Variants in MTR observed in about 807,000 individuals in gnomAD.
MTR encodes the protein methionine synthase.
A neutral mutation model predicts 154.8 loss-of-function variants in MTR; 84 were observed. The ratio of observed to expected loss-of-function variants is 0.54; its 90% CI spans 0.45 to 0.65. The LOEUF is 0.65. Among genes scored for constraint, MTR ranks in the 30% least tolerant of loss-of-function variants. The pLI is 0.00. For missense variants in MTR, 1,275 were observed against 1,570.2 expected, an observed-to-expected ratio of 0.81 and a Z score of 3.18; for synonymous variants, 554 against 553.9, an observed-to-expected ratio of 1.00 and a Z score of 0.00.
intron 15 of MTR, among the ~76,000 whole-genome samples, chr1:236,839,372 A>G (rs1404645093): frequency 8.1e-6 from 1 of 123,620 alleles, no homozygotes; most frequent in Non-Finnish European, 1.7e-5. Context: ...GGACAAAGGA[A>G]ATAACAATTT....
intron 32 of MTR, 71 bp from the exon 33 acceptor site, chr1:236,897,487 A>AC: frequency 7.1e-7 from 1 of 1,413,252 alleles, no homozygotes; most frequent in Admixed American, 1.7e-5. Context: ...TTTCTTGGCA[A>AC]ATCTTGTGGA....
At chr1:236,802,116 A>T (rs540929231) in intron 1 of MTR, among the ~76,000 whole-genome samples, 18 of 152,324 alleles carry the variant, frequency 1.2e-4, no homozygotes, top group Admixed American at 1.0e-3. Flanking sequence ...GGCCAAATCT[A>T]TAAGGCTTGG....
intron 15 of MTR, among the ~76,000 whole-genome samples, 181 bp downstream of exon 15, chr1:236,838,780 C>T (rs1012029074): frequency 1.3e-5 from 2 of 152,122 alleles, no homozygotes; most frequent in Non-Finnish European, 2.9e-5. Flanking sequence ...TGTTACTTAA[C>T]AATGGAGATA....
chr1:236,887,778 G>A (rs184337175), intron 27 of MTR, among the ~76,000 whole-genome samples: 24 of 152,364 alleles, frequency 1.6e-4, no homozygotes, highest in Non-Finnish European at 3.1e-4. Context: ...CAGGAAGTCG[G>A]TAGGGAATAA....
At chr1:236,820,994 G>T (rs1442413282) in intron 8 of MTR, among the ~76,000 whole-genome samples, 1 of 152,162 alleles carries the variant, frequency 6.6e-6, no homozygotes, top group East Asian at 1.9e-4. Context: ...TTAAAATTGC[G>T]TTTGTTGTTG....
In MTR at chr1:236,897,310, G is replaced by GCGCA; in HGVS notation, c.3711+193_3711+194insGCAC. Reference sequence around the variant, plus strand: ...ACTTCTACATGCAAGCCACACACACGCACACACACACACACACACACACAC... The same window carrying GCGCA: ...ACTTCTACATGCAAGCCACACACACGCGCACACACACACACACACACACACACAC... On this transcript the variant is annotated intron_variant, in intron 32 of 32. Transcript: ENST00000366577. Among the ~76,000 whole-genome samples the GCGCA allele has an allele frequency of 7.1e-3, 918 of 128,686 alleles. 15 individuals are homozygous for GCGCA. Among genetic ancestry groups the GCGCA allele is most frequent in the Middle Eastern group, 0.055 (14 of 254 alleles). 84.4% of individuals were successfully genotyped at this position (128,686 alleles called of 152,430 possible).
chr1:236,878,552 A>G (rs577949599), intron 24 of MTR, among the ~76,000 whole-genome samples: 40 of 152,106 alleles, frequency 2.6e-4, no homozygotes, highest in Non-Finnish European at 5.4e-4. Flanking sequence ...CCCGGGCCAC[A>G]TTGGAAGAAT....
At chr1:236,815,839 T>C (rs927730548) in intron 7 of MTR, among the ~76,000 whole-genome samples, 176 bp downstream of exon 7, 1 of 152,136 alleles carries the variant, frequency 6.6e-6, no homozygotes, top group Non-Finnish European at 1.5e-5. Flanking sequence ...GTCTTATATC[T>C]GGAGAGGCAA....
Position 236,874,956 on chromosome 1 carries a change from T to C in MTR, c.2594+110T>C, listed in dbSNP as rs1665349263. On this transcript the variant is annotated intron_variant, in intron 24 of 32. Coordinates refer to ENST00000366577, the MANE Select transcript of MTR (RefSeq NM_000254.3). ...GGATTTTCCCTTATGTTTAGTACAT[T>C]GACTTTTTGTTATATAAACACAAAC... The C allele has an allele frequency of 2.4e-6, 3 of 1,227,302 alleles. No individual in the cohort carries two copies. In the Admixed American group the frequency reaches 6.0e-5, roughly 25 times the overall value. 76.0% of individuals were successfully genotyped at this position (1,227,302 alleles called of 1,614,324 possible). A position where few individuals can be genotyped will look rare whatever the true frequency, so the allele number is the denominator to read the frequency against.
chr1:236,887,296 A>G (rs891100217), intron 27 of MTR, among the ~76,000 whole-genome samples: 1 of 152,148 alleles, frequency 6.6e-6, no homozygotes, highest in Admixed American at 6.5e-5. Context: ...AAAGAATGCC[A>G]TATTGGGAGC....
intron 4 of MTR, 32 bp downstream of exon 4, chr1:236,808,805 G>A (rs772646658): frequency 2.1e-5 from 33 of 1,599,204 alleles, no homozygotes; most frequent in Middle Eastern, 1.7e-4. Flanking sequence ...TTTTGCACAC[G>A]TGGTTCCTTT....
intron 20 of MTR, among the ~76,000 whole-genome samples, chr1:236,861,855 A>G (rs1664567896): frequency 6.6e-6 from 1 of 152,180 alleles, no homozygotes; most frequent in Non-Finnish European, 1.5e-5. Flanking sequence ...ATTTTAAGTG[A>G]GTTTTAAAGC....
At chr1:236,799,984 G>C (rs1660619122) in intron 1 of MTR, 14 of 889,576 alleles carry the variant, frequency 1.6e-5, no homozygotes, top group Non-Finnish European at 1.9e-5. Flanking sequence ...GCCAGAATTT[G>C]CATGTGTGGG....
rs2147979227 is a variant in MTR, at chr1:236,901,846, C to G, written c.*4202C>G. ...CACCATCATTCTGGGGATTCCATTTCAACATGATTTGGGGGATACATCAGA... is the reference window on the plus strand; with the variant it reads ...CACCATCATTCTGGGGATTCCATTTGAACATGATTTGGGGGATACATCAGA... On this transcript the variant is annotated 3_prime_UTR_variant, in exon 33 of 33. Coordinates refer to ENST00000366577, the MANE Select transcript of MTR (RefSeq NM_000254.3). The G allele has an allele frequency of 6.6e-6, 1 of 152,324 alleles. No individual in the cohort carries two copies. Among genetic ancestry groups the G allele is most frequent in the East Asian group, 1.9e-4 (1 of 5,184 alleles). 9.4% of individuals were successfully genotyped at this position (152,324 alleles called of 1,614,324 possible).
intron 1 of MTR, among the ~76,000 whole-genome samples, chr1:236,796,429 A>T (rs1161139066): frequency 6.6e-6 from 1 of 152,246 alleles, no homozygotes; most frequent in Non-Finnish European, 1.5e-5. Flanking sequence ...ATGCCTGATT[A>T]TAATTTGAGG....
chr1:236,819,380 C>G (rs1040321093), intron 8 of MTR, among the ~76,000 whole-genome samples: 4 of 152,156 alleles, frequency 2.6e-5, no homozygotes, highest in African/African-American at 9.7e-5. Flanking sequence ...TGGCTTCTTT[C>G]ACTTAGTGAT....
chr1:236,819,692 T>C, intron 8 of MTR: 1 of 686,202 alleles, frequency 1.5e-6, no homozygotes, highest in South Asian at 1.4e-5. Flanking sequence ...TTAAGTTCCT[T>C]ACAGCAGGAA....
At chr1:236,860,777 T>A (rs79205026) in intron 19 of MTR, among the ~76,000 whole-genome samples, 1 of 152,360 alleles carries the variant, frequency 6.6e-6, no homozygotes, top group African/African-American at 2.4e-5. Flanking sequence ...TTTTAAAGCA[T>A]TTTTTAATTG....
intron 1 of MTR, among the ~76,000 whole-genome samples, chr1:236,797,874 C>T (rs554493449): frequency 6.6e-6 from 1 of 151,228 alleles, no homozygotes; most frequent in East Asian, 2.0e-4. Context: ...AGGAGAATCG[C>T]TTGAACCCTG....
Sources: allele counts gnomAD v4.1 joint callset (sites outside exome capture counted in the v4.1 genomes callset), GRCh38; gene constraint gnomAD v4.1.1; transcripts MANE v1.5; gene names NCBI Gene and HGNC (gene_info 2026-07-23, HGNC 2026-07-21).